CACNA1A: variants seen among roughly 807,000 people sequenced by gnomAD.
CACNA1A encodes the protein calcium voltage-gated channel subunit alpha1 A.
CACNA1A carries 57 observed loss-of-function variants against 262.4 expected under a neutral mutation model. That is an observed-to-expected ratio of 0.22 (90% CI 0.18 to 0.27). The LOEUF (loss-of-function observed/expected upper bound fraction) is 0.27, where lower values mean the gene tolerates loss of function less well. Among genes scored for constraint, CACNA1A ranks in the 10% least tolerant of loss-of-function variants. CACNA1A has a pLI of 1.00. For synonymous variants in CACNA1A, 1,431 were observed against 1,419.3 expected (o/e 1.01, Z -0.18); for missense variants, 2,526 against 3,562.8 (o/e 0.71, Z 7.41).
At chr19:13,234,350 CAAAAAAAAA>C (rs71168693) in intron 34 of CACNA1A, among the ~76,000 whole-genome samples, 5 of 71,244 alleles carry the variant, frequency 7.0e-5, no homozygotes, top group African/African-American at 1.8e-4. Flanking sequence ...ACTCCATCTC[CAAAAAAAAA>C]AAAAAAAAAA....
intron 10 of CACNA1A, among the ~76,000 whole-genome samples, chr19:13,321,866 G>A (rs1163979069): frequency 6.6e-6 from 1 of 151,886 alleles, no homozygotes; most frequent in Non-Finnish European, 1.5e-5. Flanking sequence ...AACACTGTAT[G>A]CTCAGGCTAC....
chr19:13,355,118 T>C (rs1600408617), intron 6 of CACNA1A, among the ~76,000 whole-genome samples: 1 of 152,066 alleles, frequency 6.6e-6, no homozygotes, highest in Non-Finnish European at 1.5e-5. Flanking sequence ...TCAAGTGATC[T>C]GCCTGCCTCG....
At chr19:13,457,057 C>T (rs1426483505) in intron 1 of CACNA1A, among the ~76,000 whole-genome samples, 1 of 151,770 alleles carries the variant, frequency 6.6e-6, no homozygotes, top group African/African-American at 2.4e-5. Context: ...CGAGACCAGC[C>T]TAGGCAACAA....
chr19:13,370,773 G>C (rs1486593214), intron 4 of CACNA1A: 1 of 150,768 alleles, frequency 6.6e-6, no homozygotes, highest in Non-Finnish European at 1.5e-5. Context: ...ATATTGGCGG[G>C]GGGGTGGGGG....
chr19:13,398,657 A>G (rs960084729), intron 3 of CACNA1A, among the ~76,000 whole-genome samples: 1 of 152,224 alleles, frequency 6.6e-6, no homozygotes, highest in African/African-American at 2.4e-5. Context: ...CTGATTATTT[A>G]CTAATTGTCT....
chr19:13,290,530 C>T (rs2057509194), intron 19 of CACNA1A, among the ~76,000 whole-genome samples: 1 of 151,952 alleles, frequency 6.6e-6, no homozygotes, highest in Non-Finnish European at 1.5e-5. Context: ...AGCGATCTTC[C>T]CACCCTGGGT....
rs570334617 is a variant in CACNA1A, at chr19:13,350,741, T to G, written c.978+8865A>C. Among the ~76,000 whole-genome samples the G allele has an allele frequency of 2.0e-5, 3 of 152,314 alleles. No homozygotes were observed. The South Asian group carries it at 6.2e-4, about 32-fold the overall frequency. On this transcript the variant is annotated intron_variant, in intron 6 of 46. Coordinates refer to ENST00000360228, the MANE Select transcript of CACNA1A (RefSeq NM_001127222.2). Reference sequence around the variant, plus strand: ...ATTCTGGGCTGGTCACAGTGGCTCATGCCTATAATCCCAGTGACTCTGGAG... The same window carrying G: ...ATTCTGGGCTGGTCACAGTGGCTCAGGCCTATAATCCCAGTGACTCTGGAG...
At chr19:13,283,590 C>T (rs930929064) in intron 21 of CACNA1A, 194 bp from the exon 22 acceptor site, 17 of 593,774 alleles carry the variant, frequency 2.9e-5, no homozygotes, top group African/African-American at 9.3e-5. Context: ...GAGGGGACCT[C>T]GGTGAGAGAA....
intron 3 of CACNA1A, among the ~76,000 whole-genome samples, chr19:13,416,742 G>A (rs1028464830): frequency 1.3e-5 from 2 of 152,108 alleles, no homozygotes; most frequent in Admixed American, 6.6e-5. Flanking sequence ...TTGAATCCAG[G>A]AGGCGGAGGT....
At chr19:13,279,629 C>T (rs751735076) in intron 22 of CACNA1A, among the ~76,000 whole-genome samples, 27 of 151,828 alleles carry the variant, frequency 1.8e-4, no homozygotes, top group Non-Finnish European at 2.8e-4. Flanking sequence ...GGATTACAGG[C>T]GCATGCTACC....
chr19:13,333,101 A>T (rs571740755), intron 8 of CACNA1A, among the ~76,000 whole-genome samples, 176 bp from the exon 9 acceptor site: 2 of 152,198 alleles, frequency 1.3e-5, no homozygotes, highest in Admixed American at 1.3e-4. Flanking sequence ...CCTCCGCAAC[A>T]GTAGCAATAG....
chr19:13,367,203 G>T (rs1486631854), intron 4 of CACNA1A, among the ~76,000 whole-genome samples: 1 of 149,340 alleles, frequency 6.7e-6, no homozygotes, highest in Admixed American at 6.7e-5. Context: ...GCTGAGGAAG[G>T]AGAATTGCTT....
rs560217303 is a variant in CACNA1A, at chr19:13,464,714, AATTTTTAGT to A, written c.294-9511_294-9503del. Reference sequence around the variant, plus strand: ...CAGGCGCCTGCCACCGCGCCCGGCTAATTTTTAGTATTTTTAGTAGAGACGGGGTTTCAC... The same window carrying A: ...CAGGCGCCTGCCACCGCGCCCGGCTAATTTTTAGTAGAGACGGGGTTTCAC... On this transcript the variant is annotated intron_variant, in intron 1 of 46. Transcript: ENST00000360228. 2.3e-3 allele frequency among the ~76,000 whole-genome samples: 347 copies of A among 151,156 alleles called. 1 individual carries two copies. Among genetic ancestry groups the A allele is most frequent in the African/African-American group, 8.1e-3 (334 of 41,154 alleles).
intron 1 of CACNA1A, among the ~76,000 whole-genome samples, chr19:13,477,481 G>A (rs994027514): frequency 7.9e-5 from 12 of 152,184 alleles, no homozygotes; most frequent in African/African-American, 2.7e-4. Context: ...ACAGCCCCAT[G>A]AGGCAAGGAC....
At chr19:13,392,929 G>T (rs1219347158) in intron 3 of CACNA1A, among the ~76,000 whole-genome samples, 2 of 152,032 alleles carry the variant, frequency 1.3e-5, no homozygotes, top group Admixed American at 6.5e-5. Flanking sequence ...GTATTTTTTT[G>T]CGGAGACGGG....
intron 6 of CACNA1A, among the ~76,000 whole-genome samples, chr19:13,345,271 G>C (rs1311286311): frequency 6.6e-6 from 1 of 152,178 alleles, no homozygotes; most frequent in Non-Finnish European, 1.5e-5. Context: ...GAGGCAACAT[G>C]ATGTGCCTGG....
intron 38 of CACNA1A, among the ~76,000 whole-genome samples, chr19:13,223,275 C>G (rs948516889): frequency 6.6e-6 from 1 of 152,142 alleles, no homozygotes; most frequent in Non-Finnish European, 1.5e-5. Flanking sequence ...CTCACTGCAA[C>G]CTCCGCCTCC....
At chr19:13,267,370 C>T (rs555846230) in intron 24 of CACNA1A, among the ~76,000 whole-genome samples, 94 of 152,268 alleles carry the variant, frequency 6.2e-4, no homozygotes, top group African/African-American at 2.1e-3. Flanking sequence ...ATCTGGAAGC[C>T]GCCCCCACCT....
chr19:13,245,018 C>A, intron 31 of CACNA1A, 164 bp downstream of exon 31: 1 of 626,540 alleles, frequency 1.6e-6, no homozygotes, highest in African/African-American at 1.8e-5. Context: ...GAGGGGCTGC[C>A]CTTGTCCCCG....
Sources: gnomAD v4.1 joint callset for allele counts (sites outside exome capture counted in the v4.1 genomes callset) on GRCh38, gnomAD v4.1.1 for gene constraint, MANE v1.5 for transcripts, NCBI Gene and HGNC (gene_info 2026-07-23, HGNC 2026-07-21) for gene names.